The following UNC13A variants were observed in gnomAD, a reference collection of about 807,000 sequenced individuals.
UNC13A encodes the protein unc-13 homolog A, also known as protein unc-13 homolog A.
A neutral mutation model predicts 219.7 loss-of-function variants in UNC13A; 61 were observed. The ratio of observed to expected loss-of-function variants is 0.28; its 90% CI spans 0.23 to 0.34. The LOEUF (loss-of-function observed/expected upper bound fraction) is 0.34, where lower values mean the gene tolerates loss of function less well. Ranked by LOEUF, UNC13A falls within the 10% of genes least tolerant of loss-of-function variation. The probability of loss-of-function intolerance (pLI) is 1.00; values close to 1 mark genes in which losing one functional copy is unlikely to be tolerated. For missense variants in UNC13A, 1,476 were observed against 2,270.3 expected (o/e 0.65, Z 7.11); for synonymous variants, 920 against 884.6 (o/e 1.04, Z -0.71).
At chr19:17,637,522 T>C (rs1234915955) in intron 25 of UNC13A, among the ~76,000 whole-genome samples, 1 of 151,902 alleles carries the variant, frequency 6.6e-6, no homozygotes, top group East Asian at 1.9e-4. Context: ...ATGGTCTCGA[T>C]CTCCTGACCT....
chr19:17,614,734 C>T (rs912393655), intron 41 of UNC13A, among the ~76,000 whole-genome samples: 2 of 152,092 alleles, frequency 1.3e-5, no homozygotes, highest in African/African-American at 2.4e-5. Flanking sequence ...TATGTGGCCC[C>T]GGTCTTTGCT....
intron 1 of UNC13A, among the ~76,000 whole-genome samples, chr19:17,676,702 A>G (rs892982389): frequency 6.6e-6 from 1 of 152,216 alleles, no homozygotes; most frequent in Non-Finnish European, 1.5e-5. Context: ...AAAGCAACCC[A>G]GAGAGCTGGC....
rs566947609 is a variant in UNC13A, at chr19:17,649,564, A to G, written c.1463T>C (p.Ile488Thr). ...KGGPGGGLII[I>T]DSMPDIRKRK... Reference sequence around the variant, plus strand: ...CTTGCGGATGTCTGGCATGCTGTCGATGATGATGAGACCGCCCCCTGGGCT... The same window carrying G: ...CTTGCGGATGTCTGGCATGCTGTCGGTGATGATGAGACCGCCCCCTGGGCT... Residue 488 changes from isoleucine to threonine, a missense_variant, in exon 13 of 44, where the codon ATC (isoleucine) becomes ACC (threonine). Ile to Thr is a moderately conservative substitution (Grantham distance 89). This residue lies in a region of UNC13A where 85 missense variants were observed against 211.5 expected (regional missense o/e 0.40). Coordinates refer to ENST00000519716, the MANE Select transcript of UNC13A (RefSeq NM_001080421.3). The surrounding 1 kb of genome is among the most constrained non-coding windows in gnomAD (Gnocchi z 4.4). 1 of 1,613,912 alleles carries G rather than the reference A, an allele frequency of 6.2e-7. No individual in the cohort carries two copies. Among genetic ancestry groups the G allele is most frequent in the South Asian group, 1.1e-5 (1 of 91,080 alleles).
At chr19:17,662,561 T>C (rs1358045059) in intron 8 of UNC13A, among the ~76,000 whole-genome samples, 4 of 152,032 alleles carry the variant, frequency 2.6e-5, no homozygotes, top group African/African-American at 9.7e-5. Context: ...CATAAAAAAA[T>C]TGTCTTCCAT....
At chr19:17,661,318 G>A (rs974824423) in intron 8 of UNC13A, among the ~76,000 whole-genome samples, 1 of 152,136 alleles carries the variant, frequency 6.6e-6, no homozygotes, top group Non-Finnish European at 1.5e-5. Context: ...TGGTCCTGGA[G>A]TTAGGTTTGT....
intron 25 of UNC13A, among the ~76,000 whole-genome samples, chr19:17,636,477 G>A (rs2076913796): frequency 6.6e-6 from 1 of 152,160 alleles, no homozygotes; most frequent in Non-Finnish European, 1.5e-5. Context: ...AGCCCACTTA[G>A]CTTAACGGAA....
chr19:17,669,269 C>G (rs2145900485), intron 5 of UNC13A, among the ~76,000 whole-genome samples: 1 of 152,300 alleles, frequency 6.6e-6, no homozygotes, highest in Non-Finnish European at 1.5e-5. Context: ...TCTCAGGCAT[C>G]ACCAAGGAAC....
intron 9 of UNC13A, among the ~76,000 whole-genome samples, 189 bp downstream of exon 9, chr19:17,657,873 A>G (rs1391726380): frequency 1.4e-5 from 2 of 146,902 alleles, no homozygotes; most frequent in Non-Finnish European, 3.0e-5. Context: ...TGTCTAAAAA[A>G]AAAAGAAAAG....
intron 25 of UNC13A, among the ~76,000 whole-genome samples, chr19:17,638,733 G>A (rs78549703): frequency 0.3 from 46,193 of 151,658 alleles, 7,334 homozygotes; most frequent in South Asian, 0.36. Flanking sequence ...GGAGTCTGAG[G>A]CAGGAGAATC....
intron 1 of UNC13A, among the ~76,000 whole-genome samples, chr19:17,677,849 C>T (rs1431466814): frequency 2.0e-5 from 3 of 152,208 alleles, no homozygotes; most frequent in Non-Finnish European, 4.4e-5. Context: ...TTGGCAGTTC[C>T]TTGTTCCACT....
chr19:17,666,119 T>C (rs370676234), intron 7 of UNC13A, among the ~76,000 whole-genome samples: 17,261 of 67,930 alleles, frequency 0.25, 1,113 homozygotes, highest in Non-Finnish European at 0.29. Flanking sequence ...CTTTTCTCTT[T>C]TCTTTTCTTT....
chr19:17,676,482 T>C (rs547775967), intron 1 of UNC13A, among the ~76,000 whole-genome samples: 1 of 152,168 alleles, frequency 6.6e-6, no homozygotes, highest in South Asian at 2.1e-4. Context: ...GGGAGAGGCC[T>C]CCTACAAGAA....
Position 17,617,771 on chromosome 19 carries a change from C to A in UNC13A, c.4489G>T (p.Ala1497Ser). 6.2e-7 allele frequency: 1 copy of A among 1,613,218 alleles called. No homozygotes were observed. Among genetic ancestry groups the A allele is most frequent in the Non-Finnish European group, 8.5e-7 (1 of 1,179,518 alleles). ...GTGGCCTGCGTGTAGAGCGACAGGG[C>A]ATAGCGCAAGGATTGCAGGTCCGGG... Reference protein sequence around the residue: ...KSPDLQSLRYALSLYTQATDL... With the variant: ...KSPDLQSLRYSLSLYTQATDL... Residue 1497 changes from alanine to serine, a missense_variant, in exon 41 of 44, where the codon GCC becomes TCC. Ala to Ser is a moderately conservative substitution (Grantham distance 99, BLOSUM62 1). Transcript: ENST00000519716.
At chr19:17,681,973 G>A (rs1191585310) in intron 1 of UNC13A, among the ~76,000 whole-genome samples, 1 of 87,964 alleles carries the variant, frequency 1.1e-5, no homozygotes, top group Non-Finnish European at 2.4e-5. Context: ...TTTTTTTTTT[G>A]ACGGAGTCTC....
chr19:17,617,197 C>G (rs910369445), intron 41 of UNC13A, among the ~76,000 whole-genome samples: 3 of 152,082 alleles, frequency 2.0e-5, no homozygotes, highest in Non-Finnish European at 4.4e-5. Context: ...TTCCTTGACC[C>G]CTTGACATCA....
At chr19:17,624,981 G>A (rs2076767550) in intron 34 of UNC13A, 29 bp from the exon 35 acceptor site, 1 of 1,602,068 alleles carries the variant, frequency 6.2e-7, no homozygotes, top group Non-Finnish European at 8.5e-7. Flanking sequence ...TCTGAGAGAG[G>A]GCCCAGCTCG....
In UNC13A at chr19:17,649,402, T is replaced by C; in HGVS notation, c.1519-58A>G. 1.2e-6 allele frequency: 2 copies of C among 1,613,004 alleles called. No homozygotes were observed. The highest frequency in any genetic ancestry group is 1.7e-6 in the Non-Finnish European group (2 of 1,179,708). On this transcript the variant is annotated intron_variant, in intron 13 of 43. Coordinates refer to ENST00000519716, the MANE Select transcript of UNC13A (RefSeq NM_001080421.3). This position sits in a 1 kb window ranked among gnomAD's most constrained non-coding sequence, Gnocchi z 4.4. The stretch of plus-strand genomic sequence containing the variant: ...ATCAGACTACATTAGTCTCAGAGAA[T>C]GCCTAGCTGGCCCCCAACCCCAGGT...
At chr19:17,667,151 C>G (rs866247061) in intron 6 of UNC13A, among the ~76,000 whole-genome samples, 1 of 151,592 alleles carries the variant, frequency 6.6e-6, no homozygotes, top group Non-Finnish European at 1.5e-5. Context: ...CCCGGGAGGC[C>G]GAGGCAGGAG....
At chr19:17,653,549 A>G (rs1056086737) in intron 11 of UNC13A, among the ~76,000 whole-genome samples, 1 of 151,850 alleles carries the variant, frequency 6.6e-6, no homozygotes, top group African/African-American at 2.4e-5. Flanking sequence ...GGGTTTCACT[A>G]TGTTGGCCAG....
Sources: allele counts gnomAD v4.1 joint callset (sites outside exome capture counted in the v4.1 genomes callset), GRCh38; gene constraint gnomAD v4.1.1; regional missense constraint gnomAD v4.1.1; non-coding constraint Gnocchi (gnomAD v3.1); transcripts MANE v1.5; gene names NCBI Gene and HGNC (gene_info 2026-07-23, HGNC 2026-07-21).